Variants in TAF4B observed in about 807,000 individuals in gnomAD.
TAF4B encodes TATA-box binding protein associated factor 4b, also known as transcription initiation factor TFIID subunit 4B.
A neutral mutation model predicts 86.4 loss-of-function variants in TAF4B; 38 were observed. The ratio of observed to expected loss-of-function variants is 0.44; its 90% CI spans 0.34 to 0.58. The LOEUF (loss-of-function observed/expected upper bound fraction) is 0.58, where lower values mean the gene tolerates loss of function less well. TAF4B is among the 20% of genes least tolerant of loss of function. The pLI is 0.02. For synonymous variants in TAF4B, 388 were observed against 391.2 expected (o/e 0.99, Z 0.10); for missense variants, 988 against 1,027.6 (o/e 0.96, Z 0.53).
intron 13 of TAF4B, among the ~76,000 whole-genome samples, chr18:26,337,721 C>A (rs147221046): frequency 1.3e-5 from 2 of 152,258 alleles, no homozygotes; most frequent in East Asian, 1.9e-4. Context: ...CTGTGCCTGG[C>A]TAACCATATC....
At chr18:26,240,154 A>C (rs1443548768) in intron 1 of TAF4B, among the ~76,000 whole-genome samples, 1 of 152,202 alleles carries the variant, frequency 6.6e-6, no homozygotes, top group Non-Finnish European at 1.5e-5. Flanking sequence ...TGGGGATGGC[A>C]TTGAATCTAT....
At chr18:26,382,345 C>T (rs1978294172) in intron 14 of TAF4B, among the ~76,000 whole-genome samples, 1 of 152,120 alleles carries the variant, frequency 6.6e-6, no homozygotes. Flanking sequence ...TCAGCTTGGC[C>T]ATAGGAAATA....
At chr18:26,267,466 A>C (rs753637492) in intron 2 of TAF4B, 50 bp from the exon 3 acceptor site, 7 of 1,269,474 alleles carry the variant, frequency 5.5e-6, no homozygotes, top group Middle Eastern at 3.7e-4. Context: ...CTGATCTTAA[A>C]TTACTAACGC....
intron 9 of TAF4B, among the ~76,000 whole-genome samples, chr18:26,296,593 G>A (rs1032853367): frequency 1.1e-4 from 16 of 152,032 alleles, no homozygotes; most frequent in Non-Finnish European, 2.9e-5. Flanking sequence ...CAGTAATCCA[G>A]GCAGTCATCA....
chr18:26,351,370 T>C (rs1037094962), intron 13 of TAF4B, among the ~76,000 whole-genome samples: 2 of 152,028 alleles, frequency 1.3e-5, no homozygotes, highest in African/African-American at 4.8e-5. Flanking sequence ...GGAAAGGGTC[T>C]GGGGGAAAAG....
chr18:26,334,647 TAA>T (rs2057076341), intron 12 of TAF4B, among the ~76,000 whole-genome samples: 1 of 152,200 alleles, frequency 6.6e-6, no homozygotes, highest in African/African-American at 2.4e-5. Flanking sequence ...CCAAAGATGA[TAA>T]GACATTCTAA....
chr18:26,323,689 A>G (rs1025979650), intron 11 of TAF4B, among the ~76,000 whole-genome samples: 4 of 152,144 alleles, frequency 2.6e-5, no homozygotes, highest in African/African-American at 9.7e-5. Context: ...TCAATATATA[A>G]TAATGTCCTT....
At chr18:26,309,590 A>G (rs537988111) in intron 9 of TAF4B, among the ~76,000 whole-genome samples, 3 of 152,152 alleles carry the variant, frequency 2.0e-5, no homozygotes, top group Non-Finnish European at 2.9e-5. Context: ...CTCTTGATCT[A>G]TTTTTAAATT....
intron 13 of TAF4B, among the ~76,000 whole-genome samples, chr18:26,340,842 C>T (rs1419512665): frequency 6.6e-6 from 1 of 152,126 alleles, no homozygotes; most frequent in Non-Finnish European, 1.5e-5. Flanking sequence ...GATTTGGCCT[C>T]TTGAACTGTC....
intron 1 of TAF4B, among the ~76,000 whole-genome samples, chr18:26,254,228 TCA>T (rs2056048663): frequency 6.6e-6 from 1 of 152,120 alleles, no homozygotes; most frequent in Non-Finnish European, 1.5e-5. Flanking sequence ...ATGCCTGGCC[TCA>T]CACCTGATTT....
At chr18:26,276,358 CATATT>C (rs2056384332) in intron 5 of TAF4B, among the ~76,000 whole-genome samples, 2 of 152,126 alleles carry the variant, frequency 1.3e-5, no homozygotes, top group African/African-American at 4.8e-5. Flanking sequence ...GCAAATATTT[CATATT>C]ATATGCTTAA....
chr18:26,258,279 A>C (rs903538968), intron 1 of TAF4B, among the ~76,000 whole-genome samples: 5 of 151,274 alleles, frequency 3.3e-5, no homozygotes, highest in Admixed American at 1.3e-4. Context: ...TGAGGGAAGA[A>C]GAGAGCAAGG....
rs540219516 is a variant in TAF4B, at chr18:26,259,732, C to T, written c.344-5438C>T. On this transcript the variant is annotated intron_variant, in intron 1 of 14. Transcript: ENST00000269142. The stretch of plus-strand genomic sequence containing the variant: ...AAGTCTTTGCTATTGTGAATAGTGC[C>T]GCAGTAAACACACATGTGCGTGTGT... Among the ~76,000 whole-genome samples, 353 of 152,154 alleles carry T rather than the reference C, an allele frequency of 2.3e-3. 1 individual carries two copies. The highest frequency in any genetic ancestry group is 6.4e-3 in the African/African-American group (267 of 41,522).
intron 6 of TAF4B, among the ~76,000 whole-genome samples, chr18:26,284,165 C>T (rs1037247757): frequency 2.0e-5 from 3 of 152,224 alleles, no homozygotes. Context: ...AGAGCTTCTT[C>T]CCTTAAACTT....
intron 1 of TAF4B, among the ~76,000 whole-genome samples, chr18:26,258,114 C>T (rs1378834683): frequency 4.6e-5 from 7 of 151,848 alleles, no homozygotes; most frequent in South Asian, 2.1e-4. Context: ...ATTAGCTGGG[C>T]GTGGTGGCAT....
chr18:26,346,773 A>ATATATATATATTTATATGTGTG (rs1404902479), intron 13 of TAF4B, among the ~76,000 whole-genome samples: 1 of 24,108 alleles, frequency 4.1e-5, no homozygotes, highest in Non-Finnish European at 9.9e-5. Context: ...ATATATATAT[A>ATATATATATATTTATATGTGTG]TGTGTGTGTA....
chr18:26,336,450 G>T (rs1216652273), intron 13 of TAF4B, among the ~76,000 whole-genome samples: 3 of 152,040 alleles, frequency 2.0e-5, no homozygotes, highest in Non-Finnish European at 4.4e-5. Flanking sequence ...AATCAATGTG[G>T]TGTGTTTTCA....
intron 5 of TAF4B, among the ~76,000 whole-genome samples, chr18:26,278,256 T>C (rs566159142): frequency 2.5e-3 from 379 of 152,330 alleles, no homozygotes; most frequent in Non-Finnish European, 3.9e-3. Context: ...AAAGTTAATT[T>C]TTACTGCTTC....
chr18:26,270,057 T>C (rs1185642135), intron 3 of TAF4B, among the ~76,000 whole-genome samples: 4 of 152,158 alleles, frequency 2.6e-5, no homozygotes, highest in Non-Finnish European at 5.9e-5. Flanking sequence ...TTCTTAAAGA[T>C]TGAGTACATA....
Sources: gnomAD v4.1 joint callset for allele counts (sites outside exome capture counted in the v4.1 genomes callset) on GRCh38, gnomAD v4.1.1 for gene constraint, MANE v1.5 for transcripts, NCBI Gene and HGNC (gene_info 2026-07-23, HGNC 2026-07-21) for gene names.